Variants in MUC22 observed in about 807,000 individuals in gnomAD.
MUC22 encodes the protein mucin 22.
A neutral mutation model predicts 40.3 loss-of-function variants in MUC22; 24 were observed. The ratio of observed to expected loss-of-function variants is 0.60; its 90% CI spans 0.43 to 0.84. The LOEUF is 0.84. MUC22 is among the 40% of genes least tolerant of loss of function. The pLI, the probability that MUC22 is intolerant of heterozygous loss-of-function variation, is 0.00. For synonymous variants in MUC22, 765 were observed against 844.5 expected (o/e 0.91, Z 1.63); for missense variants, 1,926 against 2,130.7 (o/e 0.90, Z 1.89).
intron 1 of MUC22, among the ~76,000 whole-genome samples, chr6:31,020,440 A>ATTTTTTTT: frequency 1.2e-5 from 1 of 82,200 alleles, no homozygotes; most frequent in South Asian, 4.0e-4. Flanking sequence ...CTGGAAATTG[A>ATTTTTTTT]CTTTTTTTTT....
chr6:31,020,497 C>T (rs2894049), intron 1 of MUC22, among the ~76,000 whole-genome samples: 64,502 of 143,566 alleles, frequency 0.45, 14,524 homozygotes, highest in East Asian at 0.54. Context: ...CAGGCTGGAG[C>T]GTAATGGCAC....
At chr6:31,007,828 A>G (rs772639431), upstream of MUC22, among the ~76,000 whole-genome samples, 10 of 152,196 alleles carry the variant, frequency 6.6e-5, no homozygotes, top group Non-Finnish European at 1.5e-4. This position sits in a 1 kb window ranked among gnomAD's most constrained non-coding sequence, Gnocchi z 4.0. Context: ...TAGTCATCAG[A>G]ACCCTCATGA....
intron 3 of MUC22, among the ~76,000 whole-genome samples, chr6:31,034,081 G>A (rs1367501263): frequency 6.6e-6 from 1 of 152,166 alleles, no homozygotes; most frequent in Non-Finnish European, 1.5e-5. Flanking sequence ...ATTTAATCTG[G>A]CCTACAATCC....
exon 2 of MUC22, chr6:31,027,131 A>G (rs574300692): frequency 2.0e-6 from 3 of 1,471,988 alleles, no homozygotes; most frequent in Admixed American, 4.3e-5. Flanking sequence ...GAGACCACCA[A>G]GGTCTCCACT....
At chr6:31,026,220 A>C in exon 2 of MUC22, 2 of 1,530,106 alleles carry the variant, frequency 1.3e-6, no homozygotes, top group Non-Finnish European at 1.7e-6. Context: ...CCCCCGCTGC[A>C]GGCTCTAACA....
At chr6:31,019,576 G>A (rs112025686) in intron 1 of MUC22, among the ~76,000 whole-genome samples, 1,839 of 152,324 alleles carry the variant, frequency 0.012, 23 homozygotes, top group Admixed American at 0.033. Context: ...GAACTGGGCC[G>A]GGTGCGGTGG....
intron 1 of MUC22, among the ~76,000 whole-genome samples, chr6:31,022,846 A>G (rs776493534): frequency 2.0e-5 from 3 of 152,204 alleles, no homozygotes; most frequent in Non-Finnish European, 4.4e-5. Flanking sequence ...AAAATGACTC[A>G]GGTCATGGTG....
chr6:31,021,939 T>C (rs188220069), intron 1 of MUC22, among the ~76,000 whole-genome samples: 4 of 152,256 alleles, frequency 2.6e-5, no homozygotes, highest in Non-Finnish European at 5.9e-5. Flanking sequence ...TTTTATGATC[T>C]GTAACACTCA....
intron 1 of MUC22, among the ~76,000 whole-genome samples, chr6:31,015,718 A>T (rs948742963): frequency 5.3e-5 from 8 of 152,202 alleles, no homozygotes; most frequent in African/African-American, 1.9e-4. Flanking sequence ...TAAAAGACCC[A>T]TTCTTTTTAT....
At chr6:31,020,752 C>T (rs146810919) in intron 1 of MUC22, among the ~76,000 whole-genome samples, 18,232 of 152,166 alleles carry the variant, frequency 0.12, 1,286 homozygotes, top group African/African-American at 0.17. Context: ...CGGGACTGTG[C>T]GCGGCGCTTG....
At chr6:31,022,372 T>C (rs987831431) in intron 1 of MUC22, among the ~76,000 whole-genome samples, 1 of 151,934 alleles carries the variant, frequency 6.6e-6, no homozygotes, top group African/African-American at 2.4e-5. Flanking sequence ...CAATTTTGGT[T>C]AGGCTGGTAT....
At chr6:31,035,249 AG>A in exon 4 of MUC22, 1 of 359,648 alleles carries the variant, frequency 2.8e-6, no homozygotes, top group Non-Finnish European at 5.0e-6. Flanking sequence ...TGTTGTGGGG[AG>A]TCACGACAAC....
intron 1 of MUC22, among the ~76,000 whole-genome samples, chr6:31,016,543 C>A (rs879562168): frequency 2.0e-5 from 3 of 152,252 alleles, no homozygotes; most frequent in Non-Finnish European, 2.9e-5. Context: ...GGAAGCTGAG[C>A]AAGGGAATAG....
chr6:31,031,244 T>C (rs1401011799), intron 2 of MUC22, among the ~76,000 whole-genome samples: 1 of 152,142 alleles, frequency 6.6e-6, no homozygotes, highest in Non-Finnish European at 1.5e-5. Flanking sequence ...GCCCACCCTC[T>C]CCTATCCCTG....
chr6:31,013,816 A>G (rs1028999121), intron 1 of MUC22, among the ~76,000 whole-genome samples: 1 of 152,134 alleles, frequency 6.6e-6, no homozygotes, highest in African/African-American at 2.4e-5. Flanking sequence ...GGCGTGAGCC[A>G]TTGCACCCGG....
upstream of MUC22, among the ~76,000 whole-genome samples, chr6:31,009,858 G>A (rs1763745981): frequency 6.6e-6 from 1 of 152,114 alleles, no homozygotes; most frequent in Non-Finnish European, 1.5e-5. Context: ...ATTGACTCAG[G>A]GAAATGGGTA....
chr6:31,024,619 G>A (rs1765123992), intron 1 of MUC22, among the ~76,000 whole-genome samples: 1 of 152,148 alleles, frequency 6.6e-6, no homozygotes, highest in African/African-American at 2.4e-5. Context: ...GTAAAGAAGA[G>A]TTTAGAATAT....
chr6:31,029,415 C>T (rs1366097042), exon 2 of MUC22: 2 of 1,535,118 alleles, frequency 1.3e-6, no homozygotes, highest in Non-Finnish European at 1.7e-6. Flanking sequence ...CCACCACAGC[C>T]TCTACCGCAG....
rs1308448025 is a variant in MUC22 at position 31,025,577 on chromosome 6, T to C, written c.146T>C (p.Met49Thr). ...TCCATCACAGGCTCTGAGACCACCA[T>C]GGCCTCCACCATGGCCTCTACTTCG... The change falls in exon 2 of 4, where the codon ATG becomes ACG. Residue 49 changes from methionine (M) to threonine (T), a missense_variant. Met to Thr is a moderately conservative substitution (Grantham distance 81, BLOSUM62 -1). This residue lies in a region of MUC22 where 1,281 missense variants were observed against 1,337.8 expected (regional missense o/e 0.96). Transcript: ENST00000561890. 1.1e-5 allele frequency: 17 copies of C among 1,518,494 alleles called. No homozygotes were observed. The highest frequency in any genetic ancestry group is 8.1e-5 in the Admixed American group (4 of 49,632). The allele number at this position is 1,518,494 out of a possible 1,614,324, so 94.1% of individuals were successfully genotyped here.
Sources: gnomAD v4.1 joint callset for allele counts (sites outside exome capture counted in the v4.1 genomes callset) on GRCh38, gnomAD v4.1.1 for gene constraint, gnomAD v4.1.1 regional missense constraint, Gnocchi (gnomAD v3.1) non-coding constraint, MANE v1.5 for transcripts, NCBI Gene and HGNC (gene_info 2026-07-23, HGNC 2026-07-21) for gene names.